Variants in EFNA5 observed in about 807,000 individuals in gnomAD.
The protein encoded by EFNA5 is ephrin-A5.
In EFNA5, 5 loss-of-function variants were observed where a neutral mutation model predicts 22.9. The ratio of observed to expected loss-of-function variants is 0.22; its 90% CI spans 0.11 to 0.46. The LOEUF (loss-of-function observed/expected upper bound fraction) is 0.46, where lower values mean the gene tolerates loss of function less well. Ranked by LOEUF, EFNA5 falls within the 20% of genes least tolerant of loss-of-function variation. EFNA5 has a pLI of 0.99. For missense variants in EFNA5, 237 were observed against 293.3 expected, an observed-to-expected ratio of 0.81 and a Z score of 1.40; for synonymous variants, 113 against 112.2, an observed-to-expected ratio of 1.01 and a Z score of -0.04.
intron 1 of EFNA5, among the ~76,000 whole-genome samples, chr5:107,542,554 A>AG (rs113729727): frequency 6.0e-4 from 70 of 116,848 alleles, no homozygotes; most frequent in African/African-American, 1.2e-3. Context: ...TTGTGGTATA[A>AG]GGGGGGGGTG....
chr5:107,467,978 T>A (rs1423486948), intron 1 of EFNA5, among the ~76,000 whole-genome samples: 1 of 152,218 alleles, frequency 6.6e-6, no homozygotes, highest in African/African-American at 2.4e-5. Context: ...ATGAAACATT[T>A]ACAGCCAAAC....
chr5:107,544,680 T>C (rs879573125), intron 1 of EFNA5, among the ~76,000 whole-genome samples: 10 of 152,198 alleles, frequency 6.6e-5, no homozygotes, highest in Non-Finnish European at 1.5e-4. Flanking sequence ...CTCAGTGTTC[T>C]TGGGATATTC....
chr5:107,631,061 T>C (rs1750238811), intron 1 of EFNA5, among the ~76,000 whole-genome samples: 1 of 152,152 alleles, frequency 6.6e-6, no homozygotes, highest in African/African-American at 2.4e-5. Context: ...CTCAAGGACC[T>C]GCCTGAGGCT....
chr5:107,622,944 C>T (rs1448994006), intron 1 of EFNA5, among the ~76,000 whole-genome samples: 1 of 144,454 alleles, frequency 6.9e-6, no homozygotes, highest in Non-Finnish European at 1.5e-5. Context: ...TGGCGTGAAC[C>T]CGGGAAGCGG....
rs1746648503 is a variant in EFNA5 at position 107,487,050 on chromosome 5, T to G, written c.126-59541A>C. On this transcript the variant is annotated intron_variant, in intron 1 of 4. Coordinates refer to ENST00000333274, the MANE Select transcript of EFNA5 (RefSeq NM_001962.3). ...AAATGGAATCGCCTGGCACAAAAGA[T>G]AAAGAACAACTTCCTTAGCATAGGG... Among the ~76,000 whole-genome samples the G allele has an allele frequency of 2.0e-5, 3 of 152,304 alleles. No individual in the cohort carries two copies. In the South Asian group the frequency reaches 6.2e-4, roughly 32 times the overall value.
chr5:107,433,201 T>C (rs1051065991), intron 1 of EFNA5, among the ~76,000 whole-genome samples: 14 of 152,344 alleles, frequency 9.2e-5, no homozygotes, highest in Admixed American at 8.5e-4. Context: ...AAGGATAAAC[T>C]TCATATTATA....
intron 1 of EFNA5, among the ~76,000 whole-genome samples, chr5:107,520,485 G>C (rs550209653): frequency 1.3e-5 from 2 of 152,334 alleles, no homozygotes; most frequent in African/African-American, 4.8e-5. Context: ...TGGCTATGCT[G>C]TTCTCAAGAT....
At chr5:107,613,012 G>T (rs562386129) in intron 1 of EFNA5, among the ~76,000 whole-genome samples, 1 of 151,780 alleles carries the variant, frequency 6.6e-6, no homozygotes, top group Non-Finnish European at 1.5e-5. Flanking sequence ...CATCATCTAC[G>T]AACAGTGATA....
At chr5:107,607,764 G>C (rs1400343324) in intron 1 of EFNA5, among the ~76,000 whole-genome samples, 2 of 151,988 alleles carry the variant, frequency 1.3e-5, no homozygotes, top group Non-Finnish European at 2.9e-5. Context: ...AGGGAGGAAA[G>C]CAAAAAACAA....
At chr5:107,551,357 T>G (rs571099073) in intron 1 of EFNA5, among the ~76,000 whole-genome samples, 121 of 152,288 alleles carry the variant, frequency 7.9e-4, no homozygotes, top group African/African-American at 2.9e-3. Flanking sequence ...AGACAATCTG[T>G]AACATGTAGC....
intron 4 of EFNA5, among the ~76,000 whole-genome samples, chr5:107,385,418 C>T (rs1221946398): frequency 6.6e-6 from 1 of 152,148 alleles, no homozygotes; most frequent in Non-Finnish European, 1.5e-5. Flanking sequence ...AAAGATATGC[C>T]TACATTCTGC....
rs187214160 is a variant in EFNA5 at position 107,614,392 on chromosome 5, C to T, written c.125+56097G>A. On this transcript the variant is annotated intron_variant, in intron 1 of 4. Coordinates refer to ENST00000333274, the MANE Select transcript of EFNA5 (RefSeq NM_001962.3). ...GGTAGTATTTTAAAGAATGTCAAAT[C>T]ATATACAAAGTATTACCTTATGTAA... Among the ~76,000 whole-genome samples the T allele has an allele frequency of 3.3e-5, 5 of 152,212 alleles. No individual in the cohort carries two copies. In the East Asian group the frequency reaches 9.6e-4, roughly 29 times the overall value.
intron 1 of EFNA5, among the ~76,000 whole-genome samples, chr5:107,540,945 A>G (rs1748033997): frequency 1.3e-5 from 2 of 152,138 alleles, no homozygotes; most frequent in South Asian, 4.1e-4. Context: ...TGTCTCTACT[A>G]AAAGTACAAA....
intron 1 of EFNA5, among the ~76,000 whole-genome samples, chr5:107,485,856 G>GT (rs542236163): frequency 4.3e-4 from 66 of 152,042 alleles, no homozygotes; most frequent in African/African-American, 1.4e-3. Context: ...TACAATGTTC[G>GT]TTTTTTTTAA....
intron 1 of EFNA5, among the ~76,000 whole-genome samples, chr5:107,591,883 T>C (rs200879646): frequency 8.1e-5 from 2 of 24,550 alleles, no homozygotes; most frequent in Non-Finnish European, 1.3e-4. Flanking sequence ...TAATATATAA[T>C]ATATATATTA....
Position 107,670,684 on chromosome 5 carries a change from GCAGGCAAAGGGA to G in EFNA5, c.-83_-72del. On this transcript the variant is annotated 5_prime_UTR_variant, in exon 1 of 5. Coordinates refer to ENST00000333274, the MANE Select transcript of EFNA5 (RefSeq NM_001962.3). ...AGAGCGGGGATCCGGAGGGAGGGAG[GCAGGCAAAGGGA>G]CAGAGAGAGAGCGGGCGCCAAATAA... 1 of 1,556,800 alleles carries G rather than the reference GCAGGCAAAGGGA, an allele frequency of 6.4e-7. No homozygotes were observed. The highest frequency in any genetic ancestry group is 8.7e-7 in the Non-Finnish European group (1 of 1,151,548).
intron 1 of EFNA5, among the ~76,000 whole-genome samples, chr5:107,455,159 G>C (rs534580638): frequency 4.6e-5 from 7 of 152,086 alleles, no homozygotes; most frequent in Non-Finnish European, 1.0e-4. Context: ...CAGTGTCAAC[G>C]AGGTTTGTTG....
At chr5:107,528,282 C>A (rs1747738976) in intron 1 of EFNA5, among the ~76,000 whole-genome samples, 2 of 152,140 alleles carry the variant, frequency 1.3e-5, no homozygotes, top group Non-Finnish European at 2.9e-5. Flanking sequence ...GACCTTTGGT[C>A]CTTACCTGAT....
intron 1 of EFNA5, among the ~76,000 whole-genome samples, chr5:107,551,617 C>A (rs1307003804): frequency 1.3e-5 from 2 of 152,076 alleles, no homozygotes; most frequent in Non-Finnish European, 2.9e-5. Flanking sequence ...AGAATTTTTT[C>A]TGATCTACTT....
Sources: allele counts gnomAD v4.1 joint callset (sites outside exome capture counted in the v4.1 genomes callset), GRCh38; gene constraint gnomAD v4.1.1; transcripts MANE v1.5; gene names NCBI Gene and HGNC (gene_info 2026-07-23, HGNC 2026-07-21).